MEIS2: variants seen among roughly 807,000 people sequenced by gnomAD.
The protein encoded by MEIS2 is homeobox protein Meis2.
MEIS2 carries 9 observed loss-of-function variants against 58.6 expected under a neutral mutation model. That is an observed-to-expected ratio of 0.15 (90% CI 0.09 to 0.27). The LOEUF is 0.27. MEIS2 is among the 10% of genes least tolerant of loss of function. MEIS2 has a pLI of 1.00. For missense variants in MEIS2, 427 were observed against 635.0 expected, an observed-to-expected ratio of 0.67 and a Z score of 3.52; for synonymous variants, 221 against 228.4, an observed-to-expected ratio of 0.97 and a Z score of 0.29.
At chr15:36,994,955 A>G (rs1328133696) in intron 8 of MEIS2, among the ~76,000 whole-genome samples, 1 of 152,254 alleles carries the variant, frequency 6.6e-6, no homozygotes, top group African/African-American at 2.4e-5. Context: ...GACCTCACAT[A>G]GCTCACATAT....
chr15:36,975,144 G>T (rs2059697010), intron 8 of MEIS2, among the ~76,000 whole-genome samples: 1 of 152,144 alleles, frequency 6.6e-6, no homozygotes. Flanking sequence ...AATAAAAACT[G>T]CATGAAAACA....
At chr15:36,932,799 T>C (rs915775294) in intron 9 of MEIS2, among the ~76,000 whole-genome samples, 3 of 152,156 alleles carry the variant, frequency 2.0e-5, no homozygotes, top group African/African-American at 7.2e-5. Context: ...TTACAGCCTA[T>C]TGTTAAATGA....
At chr15:36,932,625 G>C (rs2141335625) in intron 9 of MEIS2, among the ~76,000 whole-genome samples, 1 of 152,202 alleles carries the variant, frequency 6.6e-6, no homozygotes, top group Non-Finnish European at 1.5e-5. Flanking sequence ...GTCCATTGAA[G>C]GGCCCTAAGA....
At chr15:37,022,368 C>A (rs1427778354) in intron 8 of MEIS2, among the ~76,000 whole-genome samples, 1 of 152,156 alleles carries the variant, frequency 6.6e-6, no homozygotes, top group African/African-American at 2.4e-5. Context: ...TCACAAGTGG[C>A]TGGAACTAAA....
At chr15:36,988,683 A>G (rs539114019) in intron 8 of MEIS2, among the ~76,000 whole-genome samples, 26 of 152,366 alleles carry the variant, frequency 1.7e-4, no homozygotes, top group African/African-American at 5.5e-4. Flanking sequence ...AGCTATGGAA[A>G]TATCTTAAAA....
chr15:36,950,627 A>G (rs1329836194), intron 8 of MEIS2, among the ~76,000 whole-genome samples: 1 of 152,096 alleles, frequency 6.6e-6, no homozygotes, highest in African/African-American at 2.4e-5. Context: ...AGTAAAAAGC[A>G]AGGAGTTTAA....
chr15:37,093,001 C>T (rs559163282), intron 6 of MEIS2, among the ~76,000 whole-genome samples: 1 of 152,202 alleles, frequency 6.6e-6, no homozygotes, highest in African/African-American at 2.4e-5. Flanking sequence ...ATGCTTCAGG[C>T]ATTTGGCAAT....
At chr15:37,028,760 C>A (rs2141703089) in intron 8 of MEIS2, among the ~76,000 whole-genome samples, 1 of 152,196 alleles carries the variant, frequency 6.6e-6, no homozygotes, top group Non-Finnish European at 1.5e-5. Context: ...TAAAACTAAC[C>A]AATACTGTTG....
chr15:36,982,377 A>G (rs574551261), intron 8 of MEIS2, among the ~76,000 whole-genome samples: 43 of 152,268 alleles, frequency 2.8e-4, no homozygotes, highest in African/African-American at 9.6e-4. Flanking sequence ...CTCTTTTAGT[A>G]TCCACATATG....
chr15:37,006,914 A>G (rs532029353), intron 8 of MEIS2, among the ~76,000 whole-genome samples: 2 of 152,322 alleles, frequency 1.3e-5, no homozygotes, highest in South Asian at 4.1e-4. Flanking sequence ...GAAATTGTTA[A>G]ATATATATGA....
chr15:37,041,986 G>T (rs137922626), intron 7 of MEIS2, among the ~76,000 whole-genome samples: 1 of 152,142 alleles, frequency 6.6e-6, no homozygotes, highest in East Asian at 1.9e-4. Flanking sequence ...AGACCAACCT[G>T]GGCAACATAG....
At position 36,896,735 on chromosome 15, in the gene MEIS2, T is replaced by C. The variant is rs750190615; in HGVS notation, c.978-49A>G. 3.4e-6 allele frequency: 5 copies of C among 1,453,520 alleles called. No homozygotes were observed. In the South Asian group the frequency reaches 4.6e-5, roughly 13 times the overall value. The allele number at this position is 1,453,520 out of a possible 1,614,324, so 90.0% of individuals were successfully genotyped here. Reference sequence around the variant, plus strand: ...GTCATCATACTCCGTTTCTGTACTCTGCGAACACCTTTGCATGAATGCTGA... The same window carrying C: ...GTCATCATACTCCGTTTCTGTACTCCGCGAACACCTTTGCATGAATGCTGA... On this transcript the variant is annotated intron_variant, in intron 9 of 11. Coordinates refer to ENST00000561208, the MANE Select transcript of MEIS2 (RefSeq NM_170675.5).
At chr15:36,980,841 T>C (rs1224325077) in intron 8 of MEIS2, among the ~76,000 whole-genome samples, 1 of 152,214 alleles carries the variant, frequency 6.6e-6, no homozygotes, top group African/African-American at 2.4e-5. Flanking sequence ...CTGTCTCTTC[T>C]GTTCCACTGA....
chr15:37,099,364 A>G, intron 1 of MEIS2, 91 bp downstream of exon 1: 3 of 1,577,640 alleles, frequency 1.9e-6, no homozygotes, highest in Non-Finnish European at 2.6e-6. Context: ...AGCGAGCAGC[A>G]GCAGAAGCGT....
At chr15:37,025,730 A>AT (rs900429457) in intron 8 of MEIS2, among the ~76,000 whole-genome samples, 5 of 142,822 alleles carry the variant, frequency 3.5e-5, no homozygotes, top group African/African-American at 8.0e-5. Flanking sequence ...GCATGAAATC[A>AT]TTTTTCTGTC....
rs999441144 is a variant in MEIS2 at position 36,891,875 on chromosome 15, C to T, written c.*298G>A. 11 of 419,426 alleles carry T rather than the reference C, an allele frequency of 2.6e-5. No homozygotes were observed. Among genetic ancestry groups the T allele is most frequent in the East Asian group, 1.4e-4 (3 of 21,648 alleles). The allele number at this position is 419,426 out of a possible 1,614,324, so 26.0% of individuals were successfully genotyped here. A position where few individuals can be genotyped will look rare whatever the true frequency, so the allele number is the denominator to read the frequency against. On this transcript the variant is annotated 3_prime_UTR_variant, in exon 12 of 12. Transcript: ENST00000561208. ...AAAACTATTTGAGGCAACATAACGG[C>T]GTGATCAACAGAAATGTACAAGTTT...
chr15:36,984,163 T>A (rs115961610), intron 8 of MEIS2, among the ~76,000 whole-genome samples: 10,064 of 152,188 alleles, frequency 0.066, 365 homozygotes, highest in Non-Finnish European at 0.071. Context: ...TTGCTCTGGC[T>A]AAGATTTCCA....
chr15:36,947,600 AT>A lies in MEIS2; in HGVS notation c.977+2723del, dbSNP rs1223556927. ...ACCGCAAGTCTTCCATGATTGTCTG[AT>A]TTTTATGCTTTTTTACTGCTCTAAT... On this transcript the variant is annotated intron_variant, in intron 9 of 11. Transcript: ENST00000561208. 2.0e-5 allele frequency among the ~76,000 whole-genome samples: 3 copies of A among 151,882 alleles called. No individual in the cohort carries two copies. In the East Asian group the frequency reaches 5.8e-4, roughly 29 times the overall value.
chr15:37,095,704 CGGA>C (rs2140094093), intron 3 of MEIS2, 90 bp from the exon 4 acceptor site: 1 of 1,587,812 alleles, frequency 6.3e-7, no homozygotes, highest in Non-Finnish European at 8.6e-7. Context: ...AGGGCAATGG[CGGA>C]GAAGAGGAAA....
Sources: allele counts gnomAD v4.1 joint callset (sites outside exome capture counted in the v4.1 genomes callset), GRCh38; gene constraint gnomAD v4.1.1; transcripts MANE v1.5; gene names NCBI Gene and HGNC (gene_info 2026-07-23, HGNC 2026-07-21).